Variants in PCDH15 observed in about 807,000 individuals in gnomAD.
PCDH15 encodes protocadherin-15.
PCDH15 carries 129 observed loss-of-function variants against 178.5 expected under a neutral mutation model. That is an observed-to-expected ratio of 0.72 (90% CI 0.63 to 0.84). The LOEUF is 0.84. PCDH15 is among the 40% of genes least tolerant of loss of function. The pLI is 0.00. For synonymous variants in PCDH15, 800 were observed against 732.0 expected (o/e 1.09, Z -1.50); for missense variants, 2,230 against 2,099.9 (o/e 1.06, Z -1.21).
intron 3 of PCDH15, among the ~76,000 whole-genome samples, chr10:54,430,488 C>G (rs1392445994): frequency 6.6e-6 from 1 of 151,924 alleles, no homozygotes; most frequent in Admixed American, 6.6e-5. Flanking sequence ...TGGAATAAAA[C>G]TAGAAATCAA....
chr10:55,607,348 C>G (rs1169503557), intron 2 of PCDH15, among the ~76,000 whole-genome samples: 6 of 148,938 alleles, frequency 4.0e-5, no homozygotes, highest in African/African-American at 1.5e-4. Flanking sequence ...GGCGATTCCT[C>G]AGGGATCTAG....
intron 2 of PCDH15, among the ~76,000 whole-genome samples, chr10:55,028,475 T>C (rs1481871422): frequency 1.3e-5 from 2 of 151,998 alleles, no homozygotes; most frequent in Admixed American, 6.6e-5. Flanking sequence ...TTTATCTTTA[T>C]AACAAAGACA....
chr10:54,048,571 T>C (rs914114371), intron 18 of PCDH15, among the ~76,000 whole-genome samples: 2 of 152,224 alleles, frequency 1.3e-5, no homozygotes, highest in African/African-American at 4.8e-5. Flanking sequence ...ACATACTTTT[T>C]ATACATACTG....
chr10:55,205,396 C>A (rs1840369473), intron 1 of PCDH15, among the ~76,000 whole-genome samples: 1 of 151,784 alleles, frequency 6.6e-6, no homozygotes, highest in African/African-American at 2.4e-5. Context: ...ATGATAGCAA[C>A]ATATGTAGGA....
chr10:55,011,994 G>A (rs188384984), intron 2 of PCDH15, among the ~76,000 whole-genome samples: 52 of 152,140 alleles, frequency 3.4e-4, no homozygotes, highest in South Asian at 1.2e-3. Flanking sequence ...ACAACAGGAA[G>A]AGCCAATTAA....
At chr10:54,869,307 C>G (rs1229010432) in intron 3 of PCDH15, among the ~76,000 whole-genome samples, 2 of 152,126 alleles carry the variant, frequency 1.3e-5, no homozygotes, top group Non-Finnish European at 2.9e-5. Flanking sequence ...GGACCTTATC[C>G]TAGAGGCTTC....
chr10:55,383,117 G>A (rs1837576152), intron 2 of PCDH15, among the ~76,000 whole-genome samples: 1 of 152,096 alleles, frequency 6.6e-6, no homozygotes, highest in Middle Eastern at 3.2e-3. Flanking sequence ...TTAAGTGATG[G>A]GAGTGGCTCT....
chr10:54,829,140 A>C (rs1213519955), intron 3 of PCDH15, among the ~76,000 whole-genome samples: 2 of 152,030 alleles, frequency 1.3e-5, no homozygotes, highest in Non-Finnish European at 2.9e-5. Context: ...ATTTTACCTC[A>C]AGTGTGATGA....
At chr10:53,977,207 G>A (rs1334191309) in intron 21 of PCDH15, among the ~76,000 whole-genome samples, 2 of 152,142 alleles carry the variant, frequency 1.3e-5, no homozygotes, top group African/African-American at 4.8e-5. Context: ...TGTGCAGTGA[G>A]CAACAGGACC....
At chr10:55,483,914 C>A (rs1840240328) in intron 2 of PCDH15, among the ~76,000 whole-genome samples, 1 of 151,152 alleles carries the variant, frequency 6.6e-6, no homozygotes, top group Non-Finnish European at 1.5e-5. Context: ...AAATGTCCAT[C>A]AATGATTGAC....
intron 1 of PCDH15, among the ~76,000 whole-genome samples, chr10:55,178,472 C>T (rs565322929): frequency 1.4e-3 from 217 of 152,248 alleles, no homozygotes; most frequent in Non-Finnish European, 2.4e-3. Flanking sequence ...TTCTTCAAAT[C>T]CTTCACCAAG....
chr10:55,392,619 A>G (rs1326741967), intron 2 of PCDH15, among the ~76,000 whole-genome samples: 1 of 152,274 alleles, frequency 6.6e-6, no homozygotes, highest in Admixed American at 6.5e-5. Context: ...AAATATTGCT[A>G]TTTAATTTAC....
At chr10:54,953,548 G>C (rs1208911112) in intron 2 of PCDH15, among the ~76,000 whole-genome samples, 1 of 151,176 alleles carries the variant, frequency 6.6e-6, no homozygotes. Context: ...GTTGATACCT[G>C]GGCTCTCCGG....
At chr10:54,642,464 A>G (rs544836861) in intron 2 of PCDH15, among the ~76,000 whole-genome samples, 3 of 152,282 alleles carry the variant, frequency 2.0e-5, no homozygotes, top group Admixed American at 1.3e-4. Context: ...TATTCCCTCC[A>G]TTTAGAATAA....
intron 2 of PCDH15, among the ~76,000 whole-genome samples, chr10:54,638,859 A>G (rs2093924901): frequency 6.6e-6 from 1 of 151,974 alleles, no homozygotes; most frequent in African/African-American, 2.4e-5. Flanking sequence ...TCAGCTATAA[A>G]AAATAACGAA....
At chr10:54,143,136 T>C (rs2043562144) in intron 14 of PCDH15, among the ~76,000 whole-genome samples, 1 of 152,166 alleles carries the variant, frequency 6.6e-6, no homozygotes. Context: ...GTTGTTATGT[T>C]AGAATTATGC....
At chr10:54,562,457 A>T (rs11004385) in intron 2 of PCDH15, among the ~76,000 whole-genome samples, 5 of 152,032 alleles carry the variant, frequency 3.3e-5, no homozygotes, top group South Asian at 2.1e-4. Flanking sequence ...ATGAAGCCAA[A>T]GATAAGTTAA....
At chr10:54,980,635 A>G (rs577590211) in intron 2 of PCDH15, among the ~76,000 whole-genome samples, 43 of 152,238 alleles carry the variant, frequency 2.8e-4, no homozygotes, top group Non-Finnish European at 4.9e-4. Flanking sequence ...AACATTATCA[A>G]ATTCACAAAT....
At chr10:54,943,830 T>G (rs2131866320) in intron 2 of PCDH15, among the ~76,000 whole-genome samples, 1 of 149,310 alleles carries the variant, frequency 6.7e-6, no homozygotes, top group East Asian at 2.0e-4. Flanking sequence ...GAGAGTAAAA[T>G]AATTTTTCTA....
Sources: gnomAD v4.1 joint callset for allele counts (sites outside exome capture counted in the v4.1 genomes callset) on GRCh38, gnomAD v4.1.1 for gene constraint, MANE v1.5 for transcripts, NCBI Gene and HGNC (gene_info 2026-07-23, HGNC 2026-07-21) for gene names.